The following BMPR2 variants were observed in gnomAD, a reference collection of about 807,000 sequenced individuals.
The protein encoded by BMPR2 is bone morphogenetic protein receptor type-2.
BMPR2 carries 29 observed loss-of-function variants against 100.8 expected under a neutral mutation model. The observed-to-expected ratio is 0.29, with a 90% confidence interval of 0.21 to 0.39. The LOEUF (loss-of-function observed/expected upper bound fraction) is 0.39, where lower values mean the gene tolerates loss of function less well. Among genes scored for constraint, BMPR2 ranks in the 10% least tolerant of loss-of-function variants. The pLI, the probability that BMPR2 is intolerant of heterozygous loss-of-function variation, is 1.00. For missense variants in BMPR2, 1,011 were observed against 1,274.5 expected (o/e 0.79, Z 3.15); for synonymous variants, 382 against 442.3 (o/e 0.86, Z 1.71).
rs1226527018 is a variant in BMPR2, at chr2:202,564,261, T to C, written c.*4315T>C. ...AACTCCTAGAATTTGAGATTATATT[T>C]CCATACAACATTTTATAAAGTTATG... is the stretch of plus-strand genomic sequence containing the variant. On this transcript the variant is annotated 3_prime_UTR_variant, in exon 13 of 13. Coordinates refer to ENST00000374580, the MANE Select transcript of BMPR2 (RefSeq NM_001204.7). The C allele has an allele frequency of 1.3e-5, 2 of 152,246 alleles. No individual in the cohort carries two copies. Among genetic ancestry groups the C allele is most frequent in the East Asian group, 3.8e-4 (2 of 5,206 alleles). The allele number at this position is 152,246 out of a possible 1,614,324, so 9.4% of individuals were successfully genotyped here.
At chr2:202,433,645 C>T (rs753678456) in intron 1 of BMPR2, among the ~76,000 whole-genome samples, 1 of 150,600 alleles carries the variant, frequency 6.6e-6, no homozygotes, top group Non-Finnish European at 1.5e-5. Context: ...CATGATGGCT[C>T]ATGCCTGTAA....
At chr2:202,384,844 C>T (rs1420925736) in intron 1 of BMPR2, among the ~76,000 whole-genome samples, 1 of 152,078 alleles carries the variant, frequency 6.6e-6, no homozygotes, top group African/African-American at 2.4e-5. Flanking sequence ...CTGCCTGCCT[C>T]AGCCTCCCAG....
intron 1 of BMPR2, among the ~76,000 whole-genome samples, chr2:202,394,074 G>A (rs997608502): frequency 1.3e-5 from 2 of 152,178 alleles, no homozygotes; most frequent in Non-Finnish European, 2.9e-5. Context: ...TCCTGGCCGG[G>A]CGTGGTGGCT....
At chr2:202,552,008 C>T (rs1041133960) in intron 10 of BMPR2, among the ~76,000 whole-genome samples, 1 of 152,102 alleles carries the variant, frequency 6.6e-6, no homozygotes, top group African/African-American at 2.4e-5. Context: ...GCGCATGCCA[C>T]CACACCCAGC....
chr2:202,412,338 A>G (rs1691030300), intron 1 of BMPR2, among the ~76,000 whole-genome samples: 1 of 152,196 alleles, frequency 6.6e-6, no homozygotes, highest in Admixed American at 6.5e-5. Flanking sequence ...TCATTCTTTG[A>G]GATGGAGTCT....
rs868585521 is a variant in BMPR2 at position 202,526,281 on chromosome 2, C to G, written c.968-4513C>G. ...GTGTCTTTGTGCTTTCTTCTACCCT[C>G]ATCCCTTGCTACATTTCCTTGTCAT... On this transcript the variant is annotated intron_variant, in intron 7 of 12. Coordinates refer to ENST00000374580, the MANE Select transcript of BMPR2 (RefSeq NM_001204.7). 3.3e-5 allele frequency among the ~76,000 whole-genome samples: 5 copies of G among 152,202 alleles called. No homozygotes were observed. The South Asian group carries it at 8.3e-4, about 25-fold the overall frequency.
chr2:202,406,027 G>C (rs1690884619), intron 1 of BMPR2, among the ~76,000 whole-genome samples: 3 of 152,196 alleles, frequency 2.0e-5, no homozygotes, highest in African/African-American at 7.2e-5. Flanking sequence ...AACGAACTCA[G>C]TGGTTTGTAT....
chr2:202,470,246 A>G (rs886283205), intron 3 of BMPR2, among the ~76,000 whole-genome samples: 6 of 151,958 alleles, frequency 3.9e-5, no homozygotes, highest in Non-Finnish European at 7.4e-5. Context: ...GGAGGCTGAG[A>G]CAGGAGAATC....
At chr2:202,462,422 T>C (rs1692240860) in intron 1 of BMPR2, among the ~76,000 whole-genome samples, 1 of 152,090 alleles carries the variant, frequency 6.6e-6, no homozygotes, top group Non-Finnish European at 1.5e-5. Flanking sequence ...GGTTTCACCA[T>C]GTTGGCCCGG....
At chr2:202,481,851 CA>C (rs1692665641) in intron 3 of BMPR2, among the ~76,000 whole-genome samples, 1 of 152,130 alleles carries the variant, frequency 6.6e-6, no homozygotes, top group Non-Finnish European at 1.5e-5. Flanking sequence ...GTAAAATACA[CA>C]AAATGTGAAA....
intron 1 of BMPR2, among the ~76,000 whole-genome samples, chr2:202,458,762 C>CTA (rs1388344856): frequency 6.6e-6 from 1 of 152,122 alleles, no homozygotes; most frequent in Non-Finnish European, 1.5e-5. Context: ...TTGTATCTGC[C>CTA]TATAAGCAAA....
intron 1 of BMPR2, among the ~76,000 whole-genome samples, chr2:202,459,966 T>C (rs1185420501): frequency 6.6e-6 from 1 of 152,082 alleles, no homozygotes; most frequent in African/African-American, 2.4e-5. Context: ...TAGATAGTTT[T>C]CAAAAGAAGA....
chr2:202,456,546 G>A (rs1052148540), intron 1 of BMPR2, among the ~76,000 whole-genome samples: 2 of 139,104 alleles, frequency 1.4e-5, no homozygotes, highest in East Asian at 2.1e-4. Flanking sequence ...AGGGAGTCTC[G>A]CTCTGTCGCC....
At position 202,567,665 on chromosome 2, in the gene BMPR2, G is replaced by C. The variant is rs189115616; in HGVS notation, c.*7719G>C. 6 of 152,700 alleles carry C rather than the reference G, an allele frequency of 3.9e-5. No homozygotes were observed. Among genetic ancestry groups the C allele is most frequent in the Middle Eastern group, 3.4e-3 (1 of 294 alleles). 9.5% of individuals were successfully genotyped at this position (152,700 alleles called of 1,614,324 possible). A position where few individuals can be genotyped will look rare whatever the true frequency, so the allele number is the denominator to read the frequency against. On this transcript the variant is annotated 3_prime_UTR_variant, in exon 13 of 13. Transcript: ENST00000374580. ...TTGATACAGAGACATTGGAGAAGGAGATTTTAAGGCAGTTCTTTAGGTTTA... is the reference window on the plus strand; with the variant it reads ...TTGATACAGAGACATTGGAGAAGGACATTTTAAGGCAGTTCTTTAGGTTTA...
At chr2:202,510,395 T>C (rs1687597580) in intron 3 of BMPR2, among the ~76,000 whole-genome samples, 1 of 152,072 alleles carries the variant, frequency 6.6e-6, no homozygotes, top group Non-Finnish European at 1.5e-5. Flanking sequence ...ATGGATAATA[T>C]TCAGTGATAA....
At chr2:202,556,852 A>G (rs1315167457) in intron 12 of BMPR2, among the ~76,000 whole-genome samples, 1 of 149,924 alleles carries the variant, frequency 6.7e-6, no homozygotes, top group Non-Finnish European at 1.5e-5. Context: ...TGGGAGGCCA[A>G]GGCGGGCAGA....
chr2:202,443,451 C>T (rs919380368), intron 1 of BMPR2, among the ~76,000 whole-genome samples: 1 of 150,540 alleles, frequency 6.6e-6, no homozygotes, highest in Non-Finnish European at 1.5e-5. Flanking sequence ...GTCAAGGATT[C>T]CAATTTCTTT....
rs116354867 is a variant in BMPR2, at chr2:202,381,787, A to G, written c.76+4237A>G. Reference sequence around the variant, plus strand: ...TACAAAAGCTATTCTGGCATGTGGGATGATGTGATAGTAGTGGTATTGATG... The same window carrying G: ...TACAAAAGCTATTCTGGCATGTGGGGTGATGTGATAGTAGTGGTATTGATG... On this transcript the variant is annotated intron_variant, in intron 1 of 12. Coordinates refer to ENST00000374580, the MANE Select transcript of BMPR2 (RefSeq NM_001204.7). Among the ~76,000 whole-genome samples, 454 of 152,238 alleles carry G rather than the reference A, an allele frequency of 3.0e-3. 2 individuals are homozygous for G. Among genetic ancestry groups the G allele is most frequent in the African/African-American group, 0.011 (440 of 41,546 alleles).
chr2:202,434,933 A>ATATATATATATATATTTATT (rs1483284948), intron 1 of BMPR2, among the ~76,000 whole-genome samples: 1 of 82,024 alleles, frequency 1.2e-5, no homozygotes, highest in Admixed American at 1.6e-4. Flanking sequence ...ATATATATAT[A>ATATATATATATATATTTATT]TATTTATTTA....
Sources: gnomAD v4.1 joint callset for allele counts (sites outside exome capture counted in the v4.1 genomes callset) on GRCh38, gnomAD v4.1.1 for gene constraint, MANE v1.5 for transcripts, NCBI Gene and HGNC (gene_info 2026-07-23, HGNC 2026-07-21) for gene names.